The following GRHL1 variants were observed in gnomAD, a reference collection of about 807,000 sequenced individuals.
GRHL1 encodes the protein grainyhead like transcription factor 1.
In GRHL1, 38 loss-of-function variants were observed where a neutral mutation model predicts 75.7. That is an observed-to-expected ratio of 0.50 (90% CI 0.39 to 0.66). GRHL1 has a LOEUF of 0.66. Ranked by LOEUF, GRHL1 falls within the 30% of genes least tolerant of loss-of-function variation. The probability of loss-of-function intolerance (pLI) is 0.00; values close to 1 mark genes in which losing one functional copy is unlikely to be tolerated. For missense variants in GRHL1, 589 were observed against 767.5 expected, an observed-to-expected ratio of 0.77 and a Z score of 2.75; for synonymous variants, 266 against 279.4, an observed-to-expected ratio of 0.95 and a Z score of 0.48.
At chr2:9,998,347 C>G (rs1668965083) in intron 14 of GRHL1, among the ~76,000 whole-genome samples, 1 of 150,730 alleles carries the variant, frequency 6.6e-6, no homozygotes, top group African/African-American at 2.4e-5. Flanking sequence ...GAGCTGGAGG[C>G]CCCCAGCACA....
intron 8 of GRHL1, among the ~76,000 whole-genome samples, chr2:9,967,977 AG>A (rs1292408813): frequency 6.6e-6 from 1 of 152,114 alleles, no homozygotes; most frequent in Non-Finnish European, 1.5e-5. Flanking sequence ...CACAAACATA[AG>A]GGTTTATTGG....
rs143356570 is a variant in GRHL1 at position 10,000,697 on chromosome 2, C to T, written c.1847C>T (p.Thr616Met). The T allele has an allele frequency of 5.7e-5, 90 of 1,590,198 alleles. No individual in the cohort carries two copies. Among genetic ancestry groups the T allele is most frequent in the Middle Eastern group, 1.7e-4 (1 of 6,030 alleles). ...EAGGSYKLTL[T>M]EI ...GGGGGGTCTTACAAGCTCACCCTGACGGAGATCTAAAGGCCTGCGGGCCAC... is the reference window on the plus strand; with the variant it reads ...GGGGGGTCTTACAAGCTCACCCTGATGGAGATCTAAAGGCCTGCGGGCCAC... Residue 616 changes from threonine to methionine, a missense_variant, in exon 16 of 16, where the codon ACG (threonine) becomes ATG (methionine). By Grantham distance (81) the Thr-to-Met change is moderately conservative. Transcript: ENST00000324907.
chr2:9,978,912 A>G (rs1008441850), intron 8 of GRHL1, among the ~76,000 whole-genome samples: 7 of 151,922 alleles, frequency 4.6e-5, no homozygotes, highest in Non-Finnish European at 8.8e-5. Flanking sequence ...AATCACTTCA[A>G]CCCGGGAGGC....
chr2:9,960,998 A>G, intron 3 of GRHL1, 48 bp from the exon 4 acceptor site: 2 of 1,450,290 alleles, frequency 1.4e-6, no homozygotes, highest in African/African-American at 1.4e-5. Context: ...AAAATTGTCA[A>G]AGAACTACAT....
chr2:9,960,011 G>A (rs1667202336), intron 3 of GRHL1: 1 of 152,102 alleles, frequency 6.6e-6, no homozygotes, highest in South Asian at 2.1e-4. Context: ...ATTTCTGGGG[G>A]CTTTGAAAAT....
intron 14 of GRHL1, among the ~76,000 whole-genome samples, chr2:9,996,991 A>G (rs2357394): frequency 0.81 from 123,324 of 152,136 alleles, 50,260 homozygotes; most frequent in African/African-American, 0.89. Context: ...CCAGCTGTGC[A>G]CTGGAAAAAC....
chr2:9,958,877 G>C (rs757054517), intron 3 of GRHL1, 21 bp downstream of exon 3: 2 of 1,612,216 alleles, frequency 1.2e-6, no homozygotes, highest in Non-Finnish European at 8.5e-7. Flanking sequence ...GTGCCTAACA[G>C]CATAAAGAGT....
chr2:9,964,663 G>T (rs988159698), intron 7 of GRHL1: 1 of 218,562 alleles, frequency 4.6e-6, no homozygotes, highest in African/African-American at 2.3e-5. Flanking sequence ...TTCTTTAAAA[G>T]ATTCTGATTA....
At chr2:9,998,446 G>A (rs1484513694) in intron 14 of GRHL1, among the ~76,000 whole-genome samples, 2 of 43,604 alleles carry the variant, frequency 4.6e-5, no homozygotes, top group Non-Finnish European at 1.0e-4. Context: ...GTGTGTGTGT[G>A]TGTATATATA....
rs184167925 is a variant in GRHL1, at chr2:9,992,498, A to G, written c.1461+352A>G. On this transcript the variant is annotated intron_variant, in intron 11 of 15. Coordinates refer to ENST00000324907, the MANE Select transcript of GRHL1 (RefSeq NM_198182.3). The surrounding 1 kb of genome is among the most constrained non-coding windows in gnomAD (Gnocchi z 4.6). ...TTAAACTTAACTTGGGGCAATACCT[A>G]GGTTAAGGAGCTCTTATAACATAAG... Among the ~76,000 whole-genome samples, 93 of 151,832 alleles carry G rather than the reference A, an allele frequency of 6.1e-4. No individual in the cohort carries two copies. Among genetic ancestry groups the G allele is most frequent in the Middle Eastern group, 6.8e-3 (2 of 294 alleles).
chr2:9,995,873 C>T lies in GRHL1; in HGVS notation c.1500-6C>T. 6.3e-7 allele frequency: 1 copy of T among 1,587,550 alleles called. No homozygotes were observed. The highest frequency in any genetic ancestry group is 8.7e-7 in the Non-Finnish European group (1 of 1,155,944). On this transcript the variant is annotated splice_polypyrimidine_tract_variant and splice_region_variant and intron_variant, in intron 12 of 15. Transcript: ENST00000324907. ...ATCACTAACGGCATATTTTGGATCA[C>T]TGCAGCTCTGTCTTGAAAAGGGGGC... is the stretch of plus-strand genomic sequence containing the variant.
intron 1 of GRHL1, chr2:9,953,172 A>G: frequency 2.3e-6 from 1 of 426,468 alleles, no homozygotes; most frequent in Non-Finnish European, 4.7e-6. Context: ...GTGATTCCAA[A>G]CATAAAGCCA....
intron 1 of GRHL1, 118 bp from the exon 2 acceptor site, chr2:9,954,797 T>A (rs1043770705): frequency 2.5e-5 from 22 of 878,362 alleles, no homozygotes; most frequent in Non-Finnish European, 7.4e-6. Context: ...TAATTTGACT[T>A]CCTAGGGTCA....
intron 8 of GRHL1, among the ~76,000 whole-genome samples, chr2:9,981,011 G>T (rs544711959): frequency 6.6e-6 from 1 of 152,214 alleles, no homozygotes; most frequent in Admixed American, 6.5e-5. Flanking sequence ...TTGCTCACTC[G>T]GGGCTGCCCA....
Position 9,968,765 on chromosome 2 carries a change from T to C in GRHL1, c.1110+3384T>C, listed in dbSNP as rs927220907. Among the ~76,000 whole-genome samples the C allele has an allele frequency of 2.6e-5, 4 of 152,108 alleles. No individual in the cohort carries two copies. In the South Asian group the frequency reaches 8.3e-4, roughly 31 times the overall value. ...TAGACTCAGCTGGATCAACATTTTC[T>C]CTGGAGCCAGCGATGCAGCTTTGCA... is the stretch of plus-strand genomic sequence containing the variant. On this transcript the variant is annotated intron_variant, in intron 8 of 15. Coordinates refer to ENST00000324907, the MANE Select transcript of GRHL1 (RefSeq NM_198182.3). This position sits in a 1 kb window ranked among gnomAD's most constrained non-coding sequence, Gnocchi z 4.7.
chr2:9,986,077 T>C, intron 8 of GRHL1, 47 bp from the exon 9 acceptor site: 1 of 1,475,180 alleles, frequency 6.8e-7, no homozygotes. Flanking sequence ...CTGTGCTAGG[T>C]TTGACTTGGT....
intron 8 of GRHL1, among the ~76,000 whole-genome samples, chr2:9,971,852 T>C (rs942320851): frequency 2.6e-5 from 4 of 152,246 alleles, no homozygotes; most frequent in Non-Finnish European, 5.9e-5. Flanking sequence ...ACGAAGCTGC[T>C]GTTCTGGGGG....
At chr2:9,995,356 C>G (rs1164378729) in intron 12 of GRHL1, 2 of 152,332 alleles carry the variant, frequency 1.3e-5, no homozygotes, top group East Asian at 3.9e-4. Flanking sequence ...CTTTGGGAGG[C>G]CAAGGTAGGA....
rs1017511638 is a variant in GRHL1, at chr2:9,992,285, TG to T, written c.1461+143del. On this transcript the variant is annotated intron_variant, in intron 11 of 15. Coordinates refer to ENST00000324907, the MANE Select transcript of GRHL1 (RefSeq NM_198182.3). This position sits in a 1 kb window ranked among gnomAD's most constrained non-coding sequence, Gnocchi z 4.6. ...TAGTCAGCTCTTTGGAATATTCTGCTGGGGTGACATGATGCCCGTGCAATAA... is the reference window on the plus strand; with the variant it reads ...TAGTCAGCTCTTTGGAATATTCTGCTGGGTGACATGATGCCCGTGCAATAA... 6 of 700,118 alleles carry T rather than the reference TG, an allele frequency of 8.6e-6. No homozygotes were observed. The highest frequency in any genetic ancestry group is 5.7e-5 in the South Asian group (3 of 52,564). 43.4% of individuals were successfully genotyped at this position (700,118 alleles called of 1,614,324 possible). A position where few individuals can be genotyped will look rare whatever the true frequency, so the allele number is the denominator to read the frequency against.
Sources: allele counts gnomAD v4.1 joint callset (sites outside exome capture counted in the v4.1 genomes callset), GRCh38; gene constraint gnomAD v4.1.1; non-coding constraint Gnocchi (gnomAD v3.1); transcripts MANE v1.5; gene names NCBI Gene and HGNC (gene_info 2026-07-23, HGNC 2026-07-21).